The following VPS13A variants were observed in gnomAD, a reference collection of about 807,000 sequenced individuals.
VPS13A encodes intermembrane lipid transfer protein VPS13A.
In VPS13A, 264 loss-of-function variants were observed where a neutral mutation model predicts 390.9. The observed-to-expected ratio is 0.68, with a 90% CI of 0.61 to 0.75. The LOEUF is 0.75. Among genes scored for constraint, VPS13A ranks in the 30% least tolerant of loss-of-function variants. VPS13A has a pLI of 0.00. For synonymous variants in VPS13A, 1,231 were observed against 1,227.1 expected (o/e 1.00, Z -0.07); for missense variants, 3,409 against 3,733.9 (o/e 0.91, Z 2.27).
intron 1 of VPS13A, among the ~76,000 whole-genome samples, chr9:77,198,282 A>G (rs1268310650): frequency 2.0e-5 from 3 of 151,958 alleles, no homozygotes. Flanking sequence ...TGCCTCACTA[A>G]CTCTTTTTTG....
rs1314920816 is a variant in VPS13A, at chr9:77,206,061, C to G, written c.367C>G (p.Gln123Glu). Residue 123 changes from glutamine to glutamate, a missense_variant, in exon 5 of 72, where the codon CAA (glutamine) becomes GAA (glutamate). This residue lies in a region of VPS13A where 2,717 missense variants were observed against 2,917.4 expected (regional missense o/e 0.93). Coordinates refer to ENST00000360280, the MANE Select transcript of VPS13A (RefSeq NM_033305.3). ...ACTGAAAAGAATAGAAGAAGCAAAA[C>G]AAAAAGTAGTTGATCAAGGTAAAGA... ...QELKRIEEAKQKVVDQEQHLP... is the reference protein window; with the variant it reads ...QELKRIEEAKEKVVDQEQHLP... The G allele has an allele frequency of 3.2e-6, 5 of 1,576,178 alleles. No individual in the cohort carries two copies. Among genetic ancestry groups the G allele is most frequent in the Non-Finnish European group, 4.3e-6 (5 of 1,158,836 alleles).
chr9:77,284,364 T>C (rs1281069452), intron 31 of VPS13A, among the ~76,000 whole-genome samples: 2 of 152,218 alleles, frequency 1.3e-5, no homozygotes, highest in Non-Finnish European at 2.9e-5. Flanking sequence ...TTGCCAGTAA[T>C]ACTGTAGTGA....
chr9:77,218,323 C>T (rs1404521492), intron 10 of VPS13A, among the ~76,000 whole-genome samples: 2 of 151,994 alleles, frequency 1.3e-5, no homozygotes, highest in African/African-American at 4.8e-5. Context: ...CTGTGTTAGC[C>T]AGGATGGTCT....
rs1835311890 is a variant in VPS13A at position 77,420,576 on chromosome 9, T to G, written c.*4570T>G. On this transcript the variant is annotated 3_prime_UTR_variant, in exon 72 of 72. Transcript: ENST00000360280. ...GTATATTTTTAAAGTTTTTATTACT[T>G]TATACAAATACAAATTAATTTATAT... The G allele has an allele frequency of 6.6e-6, 1 of 152,198 alleles. No individual in the cohort carries two copies. The highest frequency in any genetic ancestry group is 2.4e-5 in the African/African-American group (1 of 41,450). 9.4% of individuals were successfully genotyped at this position (152,198 alleles called of 1,614,324 possible). A position where few individuals can be genotyped will look rare whatever the true frequency, so the allele number is the denominator to read the frequency against.
In VPS13A at chr9:77,191,295, C is replaced by CTTT. The variant is rs200313087; in HGVS notation, c.101-8636_101-8634dup. On this transcript the variant is annotated intron_variant, in intron 1 of 71. Transcript: ENST00000360280. ...TTTCTTTTCTTTTCTTTTTCTTCTTCTTTTTTTTTTTTTTTTGAGACAGGT... is the reference window on the plus strand; with the variant it reads ...TTTCTTTTCTTTTCTTTTTCTTCTTCTTTTTTTTTTTTTTTTTTTGAGACAGGT... Among the ~76,000 whole-genome samples, 61 of 134,540 alleles carry CTTT rather than the reference C, an allele frequency of 4.5e-4. 1 individual carries two copies. The highest frequency in any genetic ancestry group is 9.9e-4 in the African/African-American group (36 of 36,274). 88.3% of individuals were successfully genotyped at this position (134,540 alleles called of 152,430 possible).
At chr9:77,190,966 T>C (rs1824644340) in intron 1 of VPS13A, among the ~76,000 whole-genome samples, 1 of 151,988 alleles carries the variant, frequency 6.6e-6, no homozygotes, top group Non-Finnish European at 1.5e-5. Flanking sequence ...CTCTCTCTCT[T>C]TTTTTTTCTT....
intron 68 of VPS13A, among the ~76,000 whole-genome samples, chr9:77,391,490 T>G (rs904504297): frequency 6.6e-6 from 1 of 152,190 alleles, no homozygotes; most frequent in Non-Finnish European, 1.5e-5. Flanking sequence ...GTTTTGTTTT[T>G]GTCAGTTAAG....
intron 33 of VPS13A, among the ~76,000 whole-genome samples, chr9:77,301,570 G>A (rs1169015297): frequency 2.6e-5 from 4 of 152,116 alleles, no homozygotes; most frequent in Non-Finnish European, 5.9e-5. Context: ...CTACAGTCAT[G>A]GTGTTATATC....
intron 46 of VPS13A, among the ~76,000 whole-genome samples, chr9:77,335,327 C>G (rs1161351441): frequency 6.6e-6 from 1 of 152,054 alleles, no homozygotes; most frequent in African/African-American, 2.4e-5. Flanking sequence ...TACTCTTCTG[C>G]AATGGCAAAA....
At chr9:77,357,926 G>A (rs1831908517) in intron 56 of VPS13A, 88 bp downstream of exon 56, 2 of 732,560 alleles carry the variant, frequency 2.7e-6, no homozygotes, top group Admixed American at 2.4e-5. Context: ...GCTTTATCTA[G>A]TATTCAGTTT....
chr9:77,257,984 C>T (rs912703770), intron 22 of VPS13A, among the ~76,000 whole-genome samples: 1 of 152,238 alleles, frequency 6.6e-6, no homozygotes, highest in South Asian at 2.1e-4. Flanking sequence ...ATAACATTTG[C>T]TTTATACTCA....
rs142212878 is a variant in VPS13A at position 77,388,357 on chromosome 9, G to T, written c.9189+6270G>T. 5.7e-3 allele frequency among the ~76,000 whole-genome samples: 870 copies of T among 152,132 alleles called. 10 individuals carry two copies. Among genetic ancestry groups the T allele is most frequent in the African/African-American group, 0.02 (840 of 41,524 alleles). On this transcript the variant is annotated intron_variant, in intron 68 of 71. Transcript: ENST00000360280. ...AAAGTAAAACAAATAATTTCAAATA[G>T]GTCTGTGTTAAGAGAACTAATTAGA...
chr9:77,386,497 GA>G (rs566405140), intron 68 of VPS13A, among the ~76,000 whole-genome samples: 95 of 148,796 alleles, frequency 6.4e-4, no homozygotes, highest in Admixed American at 1.7e-3. Context: ...GAATTTATCG[GA>G]AAAAAAAAAA....
At chr9:77,181,004 C>G (rs1823981844) in intron 1 of VPS13A, among the ~76,000 whole-genome samples, 1 of 152,090 alleles carries the variant, frequency 6.6e-6, no homozygotes, top group Non-Finnish European at 1.5e-5. Flanking sequence ...GAGCTCTGAT[C>G]ATGCCACTGC....
At chr9:77,214,258 AG>A in intron 9 of VPS13A, 70 bp from the exon 10 acceptor site, 1 of 1,341,142 alleles carries the variant, frequency 7.5e-7, no homozygotes, top group Non-Finnish European at 1.1e-6. Context: ...CCTGGGTGAC[AG>A]GGGGAGACTC....
At chr9:77,402,885 CAT>C (rs1337100820) in intron 68 of VPS13A, among the ~76,000 whole-genome samples, 2 of 152,296 alleles carry the variant, frequency 1.3e-5, no homozygotes, top group African/African-American at 4.8e-5. Context: ...TTAGTATTTA[CAT>C]GTGTTTTTGT....
chr9:77,411,602 GC>G (rs1246092849), intron 71 of VPS13A, among the ~76,000 whole-genome samples: 1 of 136,170 alleles, frequency 7.3e-6, no homozygotes, highest in Admixed American at 8.4e-5. Context: ...GGCGGAGCTT[GC>G]AATCAGCCGA....
chr9:77,341,091 T>C (rs572645756), intron 50 of VPS13A, among the ~76,000 whole-genome samples: 1 of 152,214 alleles, frequency 6.6e-6, no homozygotes, highest in Non-Finnish European at 1.5e-5. Flanking sequence ...CTGTTTCTAT[T>C]CATTATTCCT....
rs1368498327 is a variant in VPS13A at position 77,312,276 on chromosome 9, A to T, written c.4115-1716A>T. 2.0e-5 allele frequency among the ~76,000 whole-genome samples: 3 copies of T among 152,258 alleles called. No individual in the cohort carries two copies. The East Asian group carries it at 5.8e-4, about 29-fold the overall frequency. On this transcript the variant is annotated intron_variant, in intron 35 of 71. Transcript: ENST00000360280. ...AGGAGAAACCCAAGCCTCAGACTTG[A>T]TGTATGTATCTTTTATCCAGAGTAC... is the stretch of plus-strand genomic sequence containing the variant.
Sources: gnomAD v4.1 joint callset for allele counts (sites outside exome capture counted in the v4.1 genomes callset) on GRCh38, gnomAD v4.1.1 for gene constraint, gnomAD v4.1.1 regional missense constraint, MANE v1.5 for transcripts, NCBI Gene and HGNC (gene_info 2026-07-23, HGNC 2026-07-21) for gene names.